ST6GALNAC3: variants seen among roughly 807,000 people sequenced by gnomAD.
ST6GALNAC3 encodes the protein alpha-N-acetylgalactosaminide alpha-2,6-sialyltransferase 3.
ST6GALNAC3 carries 25 observed loss-of-function variants against 32.7 expected under a neutral mutation model. The ratio of observed to expected loss-of-function variants is 0.76; its 90% CI spans 0.56 to 1.07. The LOEUF is 1.07. Among genes scored for constraint, ST6GALNAC3 ranks in the 50% least tolerant of loss-of-function variants. ST6GALNAC3 has a pLI of 0.00. For missense variants in ST6GALNAC3, 355 were observed against 382.4 expected, an observed-to-expected ratio of 0.93 and a Z score of 0.60; for synonymous variants, 129 against 133.1, an observed-to-expected ratio of 0.97 and a Z score of 0.21.
chr1:76,455,905 G>A (rs542890411), intron 3 of ST6GALNAC3, among the ~76,000 whole-genome samples: 10 of 152,214 alleles, frequency 6.6e-5, no homozygotes, highest in Middle Eastern at 3.4e-3. Flanking sequence ...ATACTTTATG[G>A]CTGGATGTGG....
chr1:76,319,436 G>T (rs1281863208), intron 2 of ST6GALNAC3, among the ~76,000 whole-genome samples: 1 of 152,136 alleles, frequency 6.6e-6, no homozygotes, highest in African/African-American at 2.4e-5. Context: ...TTAAAGATGT[G>T]CATAACATAT....
chr1:76,093,406 C>T lies in ST6GALNAC3; in HGVS notation c.18+18522C>T, dbSNP rs540865504. ...GAAAGATAGAAGAGGATTTTCATCA[C>T]GTTGGCAAGAACTGTTCCTCCATGA... is the stretch of plus-strand genomic sequence containing the variant. On this transcript the variant is annotated intron_variant, in intron 1 of 4. Transcript: ENST00000328299. Among the ~76,000 whole-genome samples, 237 of 152,252 alleles carry T rather than the reference C, an allele frequency of 1.6e-3. 1 individual carries two copies. Among genetic ancestry groups the T allele is most frequent in the African/African-American group, 5.5e-3 (229 of 41,552 alleles).
rs1389092065 is a variant in ST6GALNAC3 at position 76,074,864 on chromosome 1, G to T, written c.-3G>T. The T allele has an allele frequency of 1.3e-6, 2 of 1,592,238 alleles. No individual in the cohort carries two copies. Among genetic ancestry groups the T allele is most frequent in the Admixed American group, 1.7e-5 (1 of 57,168 alleles). On this transcript the variant is annotated 5_prime_UTR_variant, in exon 1 of 5. Transcript: ENST00000328299. ...TCGGTGGCAGGAGGGCCGGCGGAGC[G>T]CCATGGCCTGCATCCTGAAGGTAAC...
chr1:76,393,612 T>G (rs992802730), intron 2 of ST6GALNAC3, among the ~76,000 whole-genome samples: 27 of 152,164 alleles, frequency 1.8e-4, no homozygotes, highest in Admixed American at 1.8e-3. Context: ...TACTAGCATC[T>G]TCTAAGAAAA....
downstream of ST6GALNAC3, chr1:76,637,247 C>G (rs1649525999): frequency 6.6e-6 from 1 of 152,142 alleles, no homozygotes; most frequent in African/African-American, 2.4e-5. Flanking sequence ...CTAAATTTCT[C>G]TAGAAGTACA....
intron 3 of ST6GALNAC3, among the ~76,000 whole-genome samples, chr1:76,613,035 A>G (rs1648038517): frequency 6.6e-6 from 1 of 152,218 alleles, no homozygotes; most frequent in South Asian, 2.1e-4. Context: ...AACCAAAAGC[A>G]GGAGGATGGC....
chr1:76,272,573 G>C (rs1167333836), intron 1 of ST6GALNAC3, among the ~76,000 whole-genome samples: 3 of 152,190 alleles, frequency 2.0e-5, no homozygotes, highest in Non-Finnish European at 2.9e-5. Context: ...ACCATGAACA[G>C]CTTTTCCTCC....
intron 3 of ST6GALNAC3, among the ~76,000 whole-genome samples, chr1:76,438,418 C>G (rs892922744): frequency 6.6e-6 from 1 of 152,110 alleles, no homozygotes; most frequent in Admixed American, 6.5e-5. Context: ...GGATTACAGG[C>G]GTGAGCCACC....
intron 2 of ST6GALNAC3, among the ~76,000 whole-genome samples, chr1:76,351,185 TATGCTGGTTTTATA>T (rs1648949126): frequency 1.3e-5 from 2 of 152,198 alleles, no homozygotes; most frequent in South Asian, 4.1e-4. Context: ...GCATTAGGCT[TATGCTGGTTTTATA>T]AAATGAATAA....
chr1:76,078,667 A>T, intron 1 of ST6GALNAC3, among the ~76,000 whole-genome samples: 1 of 152,208 alleles, frequency 6.6e-6, no homozygotes, highest in East Asian at 1.9e-4. Context: ...TGCAGGGGGA[A>T]AAAAGAAACT....
At chr1:76,483,480 G>A (rs1371692391) in intron 3 of ST6GALNAC3, among the ~76,000 whole-genome samples, 1 of 152,218 alleles carries the variant, frequency 6.6e-6, no homozygotes, top group East Asian at 1.9e-4. Context: ...GGCCAGTGAT[G>A]ATGAGCATTT....
intron 3 of ST6GALNAC3, among the ~76,000 whole-genome samples, chr1:76,597,145 C>T (rs1056871119): frequency 2.0e-5 from 3 of 152,124 alleles, no homozygotes; most frequent in African/African-American, 7.2e-5. Flanking sequence ...TTGCTAATGA[C>T]ACTCTCATCC....
At chr1:76,406,130 C>T (rs1034576036) in intron 2 of ST6GALNAC3, among the ~76,000 whole-genome samples, 2 of 152,014 alleles carry the variant, frequency 1.3e-5, no homozygotes, top group Non-Finnish European at 2.9e-5. Context: ...AACATAGTAC[C>T]CCAGTCAGCC....
intron 2 of ST6GALNAC3, among the ~76,000 whole-genome samples, chr1:76,345,843 G>C (rs1482538904): frequency 2.0e-5 from 3 of 151,936 alleles, no homozygotes; most frequent in Admixed American, 6.6e-5. Flanking sequence ...TGGTCTCCTT[G>C]CTATTTTTGA....
chr1:76,572,114 C>CT (rs35323311), intron 3 of ST6GALNAC3, among the ~76,000 whole-genome samples: 20,870 of 151,716 alleles, frequency 0.14, 2,732 homozygotes, highest in African/African-American at 0.34. Context: ...GCTATCATTC[C>CT]TTTTTTTTCC....
At chr1:76,077,196 T>TCATAGAATTATA (rs1646828811) in intron 1 of ST6GALNAC3, among the ~76,000 whole-genome samples, 1 of 152,160 alleles carries the variant, frequency 6.6e-6, no homozygotes, top group Non-Finnish European at 1.5e-5. Context: ...TTTCCCTTGT[T>TCATAGAATTATA]GAAGTGTTCA....
chr1:76,520,636 A>T (rs1372670910), intron 3 of ST6GALNAC3, among the ~76,000 whole-genome samples: 1 of 152,082 alleles, frequency 6.6e-6, no homozygotes, highest in Non-Finnish European at 1.5e-5. Flanking sequence ...TGCATGGCTT[A>T]TAGATTTCAG....
At chr1:76,439,721 A>G (rs1434055968) in intron 3 of ST6GALNAC3, among the ~76,000 whole-genome samples, 1 of 152,208 alleles carries the variant, frequency 6.6e-6, no homozygotes, top group Non-Finnish European at 1.5e-5. Context: ...TGTAAGGTAC[A>G]GTGCTGGGCA....
intron 3 of ST6GALNAC3, chr1:76,576,870 T>C (rs1483903524): frequency 7.7e-6 from 10 of 1,304,772 alleles, no homozygotes; most frequent in Middle Eastern, 2.1e-4. Context: ...GCAGTGTTGA[T>C]TGATCGAACA....
Sources: allele counts gnomAD v4.1 joint callset (sites outside exome capture counted in the v4.1 genomes callset), GRCh38; gene constraint gnomAD v4.1.1; transcripts MANE v1.5; gene names NCBI Gene and HGNC (gene_info 2026-07-23, HGNC 2026-07-21).